SH2D3C: variants seen among roughly 807,000 people sequenced by gnomAD.
SH2D3C encodes the protein SH2 domain-containing protein 3C.
SH2D3C carries 25 observed loss-of-function variants against 75.2 expected under a neutral mutation model. That is an observed-to-expected ratio of 0.33 (90% CI 0.24 to 0.46). The LOEUF (loss-of-function observed/expected upper bound fraction) is 0.46. Ranked by LOEUF, SH2D3C falls within the 20% of genes least tolerant of loss-of-function variation. SH2D3C has a pLI of 1.00. For synonymous variants in SH2D3C, 450 were observed against 473.7 expected, an observed-to-expected ratio of 0.95 and a Z score of 0.65; for missense variants, 933 against 1,165.3, an observed-to-expected ratio of 0.80 and a Z score of 2.90.
Position 127,749,726 on chromosome 9 carries a change from C to A in SH2D3C, c.685-61G>T. On this transcript the variant is annotated intron_variant, in intron 4 of 11. Transcript: ENST00000314830. This position sits in a 1 kb window ranked among gnomAD's most constrained non-coding sequence, Gnocchi z 5.9. ...GCCAGGAGAGGGTCAGACCCAGGAT[C>A]TGGGGGACAGAGCAACCCAGGATTA... 8.7e-7 allele frequency: 1 copy of A among 1,144,952 alleles called. No homozygotes were observed. 70.9% of individuals were successfully genotyped at this position (1,144,952 alleles called of 1,614,324 possible). A position where few individuals can be genotyped will look rare whatever the true frequency, so the allele number is the denominator to read the frequency against.
At chr9:127,777,087 A>C (rs923946591) in intron 1 of SH2D3C, among the ~76,000 whole-genome samples, 4 of 152,180 alleles carry the variant, frequency 2.6e-5, no homozygotes, top group Non-Finnish European at 5.9e-5. Flanking sequence ...TGTGACCTCA[A>C]GCAAGTCTCT....
chr9:127,742,675 T>G (rs970815730), intron 8 of SH2D3C, 174 bp downstream of exon 8: 1 of 550,272 alleles, frequency 1.8e-6, no homozygotes. Context: ...CTTTGGGAAA[T>G]CAGCCTGTTT....
chr9:127,768,306 G>T (rs775213847), intron 2 of SH2D3C, among the ~76,000 whole-genome samples: 1 of 152,112 alleles, frequency 6.6e-6, no homozygotes, highest in African/African-American at 2.4e-5. Flanking sequence ...ATGGAGTGGT[G>T]GGGGGAGTAT....
At chr9:127,746,506 A>C (rs962004904) in intron 6 of SH2D3C, among the ~76,000 whole-genome samples, 4 of 152,252 alleles carry the variant, frequency 2.6e-5, no homozygotes, top group Non-Finnish European at 5.9e-5. Flanking sequence ...AATAAAGTCT[A>C]TTAAGAAAAA....
rs577008055 is a variant in SH2D3C, at chr9:127,763,440, G to C, written c.516-1790C>G. 1.5e-3 allele frequency among the ~76,000 whole-genome samples: 227 copies of C among 152,200 alleles called. 2 individuals are homozygous for C. Among genetic ancestry groups the C allele is most frequent in the African/African-American group, 5.3e-3 (219 of 41,508 alleles). Reference sequence around the variant, plus strand: ...AATATTGCTTAAAGAAAAATTAGCCGGGCGTGGCAGTGAACGCCTGTAATC... The same window carrying C: ...AATATTGCTTAAAGAAAAATTAGCCCGGCGTGGCAGTGAACGCCTGTAATC... On this transcript the variant is annotated intron_variant, in intron 2 of 11. Transcript: ENST00000314830.
intron 2 of SH2D3C, 73 bp downstream of exon 2, chr9:127,773,917 C>CAAAAAAAAAAAAAAAAA: frequency 1.3e-6 from 1 of 751,566 alleles, no homozygotes; most frequent in Non-Finnish European, 2.1e-6. Context: ...CACTCTGTGT[C>CAAAAAAAAAAAAAAAAA]AAAAAAAAAA....
At chr9:127,761,778 A>C (rs557070918) in intron 2 of SH2D3C, 128 bp from the exon 3 acceptor site, 1 of 675,370 alleles carries the variant, frequency 1.5e-6, no homozygotes, top group Non-Finnish European at 2.5e-6. Context: ...TGAAGGCAGG[A>C]GGGGGCACTT....
chr9:127,770,157 A>C (rs869386), intron 2 of SH2D3C, among the ~76,000 whole-genome samples: 1 of 151,808 alleles, frequency 6.6e-6, no homozygotes, highest in South Asian at 2.1e-4. Flanking sequence ...TTTTTTAGCC[A>C]GGGGAGCTAA....
At chr9:127,776,323 T>C (rs935039462) in intron 1 of SH2D3C, among the ~76,000 whole-genome samples, 9 of 151,348 alleles carry the variant, frequency 5.9e-5, no homozygotes, top group African/African-American at 1.9e-4. Flanking sequence ...TGTGCTCATG[T>C]AGGGGGTTGG....
intron 6 of SH2D3C, among the ~76,000 whole-genome samples, chr9:127,746,488 C>T (rs1018900707): frequency 6.6e-5 from 10 of 152,306 alleles, no homozygotes; most frequent in African/African-American, 2.4e-4. Flanking sequence ...CCTAAAACTG[C>T]TCTAAAAAAT....
In SH2D3C at chr9:127,774,517, A is replaced by G. The variant is rs1387050228; in HGVS notation, c.38-50T>C. The G allele has an allele frequency of 1.1e-6, 1 of 943,666 alleles. No homozygotes were observed. Among genetic ancestry groups the G allele is most frequent in the Admixed American group, 1.8e-5 (1 of 54,358 alleles). 58.5% of individuals were successfully genotyped at this position (943,666 alleles called of 1,614,324 possible). Reference sequence around the variant, plus strand: ...AGAAGTTAATGACAATGTCAACATCAGTGATAATAATGAACAATTCCTGCA... The same window carrying G: ...AGAAGTTAATGACAATGTCAACATCGGTGATAATAATGAACAATTCCTGCA... On this transcript the variant is annotated intron_variant, in intron 1 of 11. Transcript: ENST00000314830. This position sits in a 1 kb window ranked among gnomAD's most constrained non-coding sequence, Gnocchi z 4.3.
Position 127,741,888 on chromosome 9 carries a change from G to C in SH2D3C, c.1988C>G (p.Ala663Gly), listed in dbSNP as rs779277705. ...GCTGSAEERA[A>G]LLHKTIQLAA... Reference sequence around the variant, plus strand: ...CAGCTGAATGGTCTTGTGCAGCAGCGCTGCCCGCTCCTCCGCAGAGCCGGT... The same window carrying C: ...CAGCTGAATGGTCTTGTGCAGCAGCCCTGCCCGCTCCTCCGCAGAGCCGGT... The change falls in exon 9 of 12, where the codon GCG becomes GGG. Residue 663 changes from alanine to glycine, a missense_variant. Coordinates refer to ENST00000314830, the MANE Select transcript of SH2D3C (RefSeq NM_170600.3). 164 of 1,613,026 alleles carry C rather than the reference G, an allele frequency of 1.0e-4. No individual in the cohort carries two copies. Among genetic ancestry groups the C allele is most frequent in the Non-Finnish European group, 1.4e-4 (160 of 1,180,004 alleles).
rs1844754393 is a variant in SH2D3C at position 127,738,635 on chromosome 9, C to T, written c.*111G>A. ...GTGCAAGGGAGATGCTTGAGTTGAA[C>T]CCAGAACATTCTCGGGTTGATCACA... is the stretch of plus-strand genomic sequence containing the variant. On this transcript the variant is annotated 3_prime_UTR_variant, in exon 12 of 12. Coordinates refer to ENST00000314830, the MANE Select transcript of SH2D3C (RefSeq NM_170600.3). The surrounding 1 kb of genome is among the most constrained non-coding windows in gnomAD (Gnocchi z 5.0). 4 of 1,225,816 alleles carry T rather than the reference C, an allele frequency of 3.3e-6. No homozygotes were observed. Among genetic ancestry groups the T allele is most frequent in the African/African-American group, 3.1e-5 (2 of 64,492 alleles). 75.9% of individuals were successfully genotyped at this position (1,225,816 alleles called of 1,614,324 possible).
At position 127,739,673 on chromosome 9, in the gene SH2D3C, G is replaced by C. The variant is rs529666449; in HGVS notation, c.2407+9C>G. The C allele has an allele frequency of 6.3e-6, 10 of 1,592,484 alleles. No homozygotes were observed. Among genetic ancestry groups the C allele is most frequent in the Non-Finnish European group, 7.7e-6 (9 of 1,165,758 alleles). On this transcript the variant is annotated intron_variant, in intron 11 of 11. Transcript: ENST00000314830. This position sits in a 1 kb window ranked among gnomAD's most constrained non-coding sequence, Gnocchi z 4.3. ...CTGCAAGCCCCCCAAGATGCCACCC[G>C]CCACTCACCCTGCAGCTTGACTTCA... is the stretch of plus-strand genomic sequence containing the variant.
Position 127,778,472 on chromosome 9 carries a change from A to G in SH2D3C, c.37+119T>C, listed in dbSNP as rs1045480098. The G allele has an allele frequency of 3.3e-6, 3 of 903,548 alleles. No homozygotes were observed. In the Admixed American group the frequency reaches 5.6e-5, roughly 17 times the overall value. 56.0% of individuals were successfully genotyped at this position (903,548 alleles called of 1,614,324 possible). On this transcript the variant is annotated intron_variant, in intron 1 of 11. Coordinates refer to ENST00000314830, the MANE Select transcript of SH2D3C (RefSeq NM_170600.3). ...GGTGTCCAAAAGCAAAAAACAAAAA[A>G]AGAAAAAGAGTGAGAGAGAGAAAAA...
rs542404389 is a variant in SH2D3C at position 127,772,176 on chromosome 9, GA to G, written c.515+1813del. ...AAAAAGCTGCTCAAGAAAGTTACCA[GA>G]AAAAAACAAAAGAAAGAAAGGTCCC... On this transcript the variant is annotated intron_variant, in intron 2 of 11. Coordinates refer to ENST00000314830, the MANE Select transcript of SH2D3C (RefSeq NM_170600.3). 4.1e-3 allele frequency among the ~76,000 whole-genome samples: 594 copies of G among 146,412 alleles called. 4 individuals are homozygous for G. Among genetic ancestry groups the G allele is most frequent in the African/African-American group, 0.014 (574 of 40,052 alleles).
At chr9:127,742,782 C>T in intron 8 of SH2D3C, 67 bp downstream of exon 8, 1 of 1,291,466 alleles carries the variant, frequency 7.7e-7, no homozygotes, top group South Asian at 1.4e-5. Flanking sequence ...GCCAACCCGC[C>T]CCGTCCAGCG....
chr9:127,755,160 G>A, intron 3 of SH2D3C: 1 of 1,217,366 alleles, frequency 8.2e-7, no homozygotes, highest in Non-Finnish European at 1.0e-6. Context: ...GCTCGGTCAT[G>A]GTGGGGCCAG....
chr9:127,745,064 C>G lies in SH2D3C; in HGVS notation c.1300G>C (p.Ala434Pro). The G allele has an allele frequency of 6.6e-7, 1 of 1,509,348 alleles. No homozygotes were observed. Among genetic ancestry groups the G allele is most frequent in the African/African-American group, 1.4e-5 (1 of 71,644 alleles). 93.5% of individuals were successfully genotyped at this position (1,509,348 alleles called of 1,614,324 possible). A position where few individuals can be genotyped will look rare whatever the true frequency, so the allele number is the denominator to read the frequency against. ...ACAGGGGAGGCAGGCAATGCTGTGG[C>G]AGAAGGGGCTGCAGGGGCGGCATGG... ...RVHAAPAAPS[A>P]TALPASPVAR... Residue 434 changes from alanine (A) to proline (P), a missense_variant, in exon 7 of 12, where the codon GCC (alanine) becomes CCC (proline). Transcript: ENST00000314830.
Sources: gnomAD v4.1 joint callset for allele counts (sites outside exome capture counted in the v4.1 genomes callset) on GRCh38, gnomAD v4.1.1 for gene constraint, Gnocchi (gnomAD v3.1) non-coding constraint, MANE v1.5 for transcripts, NCBI Gene and HGNC (gene_info 2026-07-23, HGNC 2026-07-21) for gene names.